The following LEKR1 variants were observed in gnomAD, a reference collection of about 807,000 sequenced individuals.
The protein encoded by LEKR1 is protein LEKR1.
In LEKR1, 59 loss-of-function variants were observed where a neutral mutation model predicts 72.4. The observed-to-expected ratio is 0.82, with a 90% confidence interval of 0.66 to 1.01. The LOEUF (loss-of-function observed/expected upper bound fraction) is 1.01, where lower values mean the gene tolerates loss of function less well. Ranked by LOEUF, LEKR1 falls within the 50% of genes least tolerant of loss-of-function variation. The probability of loss-of-function intolerance (pLI) is 0.00; values close to 1 mark genes in which losing one functional copy is unlikely to be tolerated. For synonymous variants in LEKR1, 257 were observed against 263.2 expected (o/e 0.98, Z 0.23); for missense variants, 728 against 759.2 (o/e 0.96, Z 0.48).
intron 6 of LEKR1, among the ~76,000 whole-genome samples, chr3:156,966,872 AC>A (rs1728656574): frequency 6.6e-6 from 1 of 151,806 alleles, no homozygotes; most frequent in Admixed American, 6.6e-5. Context: ...ACTGGGAGGC[AC>A]CCCCCAGTAG....
chr3:156,981,705 G>T (rs1347860070), intron 7 of LEKR1, among the ~76,000 whole-genome samples: 1 of 152,218 alleles, frequency 6.6e-6, no homozygotes, highest in Non-Finnish European at 1.5e-5. Context: ...ACTGCTTAAA[G>T]CCTCAGGTTG....
intron 3 of LEKR1, among the ~76,000 whole-genome samples, chr3:156,904,576 C>T (rs1722351879): frequency 6.6e-6 from 1 of 151,570 alleles, no homozygotes; most frequent in African/African-American, 2.4e-5. Context: ...ACTGCTGTCT[C>T]AACCTCTGGA....
At chr3:157,019,432 G>A (rs1311843126) in intron 10 of LEKR1, among the ~76,000 whole-genome samples, 1 of 152,110 alleles carries the variant, frequency 6.6e-6, no homozygotes, top group Non-Finnish European at 1.5e-5. Context: ...GGAGTCATCC[G>A]GTGGCCTTCA....
At chr3:156,826,781 T>G (rs1711655467) in intron 1 of LEKR1, 1 of 155,462 alleles carries the variant, frequency 6.4e-6, no homozygotes, top group Non-Finnish European at 1.5e-5. Context: ...CAGGAAAGTC[T>G]TAGGATGTGA....
chr3:156,913,884 AT>A (rs1289702579), intron 3 of LEKR1, among the ~76,000 whole-genome samples: 3 of 152,096 alleles, frequency 2.0e-5, no homozygotes, highest in Admixed American at 6.6e-5. Context: ...TTTGTTTTTA[AT>A]TTTTTTAGGA....
chr3:156,899,196 T>C (rs1721514648), intron 3 of LEKR1, among the ~76,000 whole-genome samples: 1 of 150,852 alleles, frequency 6.6e-6, no homozygotes, highest in African/African-American at 2.4e-5. Flanking sequence ...AATTCAAACT[T>C]TCACCTGTGG....
chr3:156,836,622 C>CGGA (rs1435475761), intron 2 of LEKR1, among the ~76,000 whole-genome samples: 1 of 152,152 alleles, frequency 6.6e-6, no homozygotes, highest in African/African-American at 2.4e-5. Context: ...CAAAGGTCTC[C>CGGA]TCCTAAGTGA....
At chr3:156,885,547 A>G (rs1438495808) in intron 3 of LEKR1, among the ~76,000 whole-genome samples, 1 of 152,044 alleles carries the variant, frequency 6.6e-6, no homozygotes, top group Non-Finnish European at 1.5e-5. Context: ...AGTGATTGTT[A>G]TTGCTCTTCT....
At chr3:156,906,482 C>A (rs1343499696) in intron 3 of LEKR1, among the ~76,000 whole-genome samples, 1 of 152,164 alleles carries the variant, frequency 6.6e-6, no homozygotes, top group African/African-American at 2.4e-5. Flanking sequence ...TTCAGGAACA[C>A]CCTCTGAGTA....
chr3:156,899,473 T>C (rs1268411567), intron 3 of LEKR1, among the ~76,000 whole-genome samples: 1 of 83,846 alleles, frequency 1.2e-5, no homozygotes, highest in East Asian at 3.2e-4. Context: ...TACATGTATA[T>C]ATACATACAT....
At chr3:156,840,674 A>G (rs560310433) in intron 2 of LEKR1, among the ~76,000 whole-genome samples, 2 of 152,348 alleles carry the variant, frequency 1.3e-5, no homozygotes, top group East Asian at 1.9e-4. Context: ...CTTGATGCTT[A>G]CTGTTGCTGC....
At chr3:156,889,332 T>C (rs1054244269) in intron 3 of LEKR1, among the ~76,000 whole-genome samples, 2 of 150,956 alleles carry the variant, frequency 1.3e-5, no homozygotes, top group Non-Finnish European at 3.0e-5. Context: ...AACCACCCTG[T>C]ACCTCTTTTT....
In LEKR1 at chr3:156,960,180, A is replaced by G. The variant is rs572641785; in HGVS notation, c.745+17466A>G. The stretch of plus-strand genomic sequence containing the variant: ...CTCTGATGGCATTTTCTTGTTTCCA[A>G]AGTTAAATAAATGCTCATATTTTTC... On this transcript the variant is annotated intron_variant, in intron 6 of 12. Transcript: ENST00000356539. 6.8e-4 allele frequency among the ~76,000 whole-genome samples: 103 copies of G among 152,306 alleles called. 1 individual carries two copies. The highest frequency in any genetic ancestry group is 4.4e-4 in the Non-Finnish European group (30 of 68,022).
At chr3:156,908,381 T>A (rs1192028570) in intron 3 of LEKR1, among the ~76,000 whole-genome samples, 1 of 152,178 alleles carries the variant, frequency 6.6e-6, no homozygotes, top group Non-Finnish European at 1.5e-5. Flanking sequence ...TCCTTCTACA[T>A]GTATTAATTG....
At chr3:156,855,003 C>T (rs531233007) in intron 3 of LEKR1, among the ~76,000 whole-genome samples, 2 of 151,998 alleles carry the variant, frequency 1.3e-5, no homozygotes, top group African/African-American at 2.4e-5. Flanking sequence ...TGTAGATCTA[C>T]CTTGTTCTTA....
intron 5 of LEKR1, among the ~76,000 whole-genome samples, chr3:156,930,328 T>C (rs927623678): frequency 2.6e-5 from 4 of 152,066 alleles, no homozygotes; most frequent in African/African-American, 9.7e-5. Flanking sequence ...TATAAAAGAC[T>C]CCTTTTCCTT....
At chr3:156,868,787 A>G (rs1247344573) in intron 3 of LEKR1, among the ~76,000 whole-genome samples, 1 of 152,008 alleles carries the variant, frequency 6.6e-6, no homozygotes, top group Non-Finnish European at 1.5e-5. Flanking sequence ...TGAAACTTAT[A>G]CCTTCTATCT....
chr3:157,008,854 A>T (rs1732670010), intron 9 of LEKR1, among the ~76,000 whole-genome samples: 1 of 152,148 alleles, frequency 6.6e-6, no homozygotes, highest in Admixed American at 6.5e-5. Flanking sequence ...AGTTTTATGT[A>T]GCTGAGGATT....
At chr3:156,988,756 G>T in intron 7 of LEKR1, 1 of 180,414 alleles carries the variant, frequency 5.5e-6, no homozygotes. Context: ...CTTTGAGGGG[G>T]AGGGAACTCT....
Sources: allele counts gnomAD v4.1 joint callset (sites outside exome capture counted in the v4.1 genomes callset), GRCh38; gene constraint gnomAD v4.1.1; transcripts MANE v1.5; gene names NCBI Gene and HGNC (gene_info 2026-07-23, HGNC 2026-07-21).